Variants in CCNT1 observed in about 807,000 individuals in gnomAD.
CCNT1 encodes cyclin-T1.
CCNT1 carries 18 observed loss-of-function variants against 67.3 expected under a neutral mutation model. The observed-to-expected ratio is 0.27, with a 90% CI of 0.18 to 0.40. The LOEUF (loss-of-function observed/expected upper bound fraction) is 0.40. Among genes scored for constraint, CCNT1 ranks in the 10% least tolerant of loss-of-function variants. The pLI is 1.00. For synonymous variants in CCNT1, 333 were observed against 310.3 expected (o/e 1.07, Z -0.77); for missense variants, 744 against 884.9 (o/e 0.84, Z 2.02).
rs1463214591 is a variant in CCNT1, at chr12:48,716,693, G to A, written c.-18C>T. The A allele has an allele frequency of 6.8e-6, 11 of 1,609,288 alleles. No homozygotes were observed. Among genetic ancestry groups the A allele is most frequent in the South Asian group, 1.1e-5 (1 of 90,484 alleles). ...CCCTCCATAGTGCTTCAACCAGAAG[G>A]CAGCGGCGAAGGCTGCAGGCACTTC... On this transcript the variant is annotated 5_prime_UTR_variant, in exon 1 of 9. Transcript: ENST00000261900.
At chr12:48,706,030 GC>G (rs561574316) in intron 2 of CCNT1, 134 bp from the exon 3 acceptor site, 19 of 707,482 alleles carry the variant, frequency 2.7e-5, no homozygotes, top group African/African-American at 9.5e-5. Context: ...ACCCTTTCCC[GC>G]CCCCCCGCTT....
rs7303289 is a variant in CCNT1 at position 48,711,124 on chromosome 12, G to A, written c.243+3319C>T. On this transcript the variant is annotated intron_variant, in intron 2 of 8. Transcript: ENST00000261900. ...AGGCTGGACGCGGTGGCTCACACCT[G>A]TAATCCCAGCACTCTGGAAGGATGA... Among the ~76,000 whole-genome samples, 1,132 of 151,988 alleles carry A rather than the reference G, an allele frequency of 7.4e-3. 12 individuals are homozygous for A. The highest frequency in any genetic ancestry group is 0.027 in the African/African-American group (1,101 of 41,452).
chr12:48,711,945 G>A (rs779319668), intron 2 of CCNT1, among the ~76,000 whole-genome samples: 30 of 151,948 alleles, frequency 2.0e-4, no homozygotes, highest in Middle Eastern at 3.4e-3. Flanking sequence ...GGCGCCCACC[G>A]CCACGCCCGG....
intron 2 of CCNT1, among the ~76,000 whole-genome samples, chr12:48,708,915 A>G (rs1352336025): frequency 6.6e-6 from 1 of 152,126 alleles, no homozygotes; most frequent in African/African-American, 2.4e-5. Flanking sequence ...ACATAGCAAG[A>G]CCTCATCTCT....
rs1400558210 is a variant in CCNT1, at chr12:48,691,857, T to C, written c.*1176A>G. On this transcript the variant is annotated 3_prime_UTR_variant, in exon 9 of 9. Coordinates refer to ENST00000261900, the MANE Select transcript of CCNT1 (RefSeq NM_001240.4). ...ATGTCTTACATTTATAATGTAATTT[T>C]TAAAACAATGTTCTAAACTTCCAAA... 1 of 152,234 alleles carries C rather than the reference T, an allele frequency of 6.6e-6. No individual in the cohort carries two copies. The highest frequency in any genetic ancestry group is 2.4e-5 in the African/African-American group (1 of 41,448). 9.4% of individuals were successfully genotyped at this position (152,234 alleles called of 1,614,324 possible).
Position 48,693,386 on chromosome 12 carries a change from T to C in CCNT1, c.1828A>G (p.Met610Val), listed in dbSNP as rs1184450292. The C allele has an allele frequency of 5.6e-6, 9 of 1,614,024 alleles. No homozygotes were observed. The highest frequency in any genetic ancestry group is 1.6e-4 in the Middle Eastern group (1 of 6,084). ...LNFSFPSLPT[M>V]GQMPGHSSDT... Reference sequence around the variant, plus strand: ...GAGCTATGCCCAGGCATCTGACCCATTGTAGGAAGTGAAGGGAAGGAGAAA... The same window carrying C: ...GAGCTATGCCCAGGCATCTGACCCACTGTAGGAAGTGAAGGGAAGGAGAAA... The change falls in exon 9 of 9, where the codon ATG becomes GTG. Residue 610 changes from methionine to valine, a missense_variant. Met to Val is a conservative substitution (Grantham distance 21). This residue lies in a region of CCNT1 where 564 missense variants were observed against 574.2 expected (regional missense o/e 0.98). Transcript: ENST00000261900.
At chr12:48,711,014 TCG>T (rs1940441558) in intron 2 of CCNT1, among the ~76,000 whole-genome samples, 1 of 151,716 alleles carries the variant, frequency 6.6e-6, no homozygotes, top group African/African-American at 2.4e-5. Flanking sequence ...TGAGCTGAGA[TCG>T]CGCAGCCACT....
chr12:48,700,942 T>C (rs1019747049), intron 4 of CCNT1, 71 bp downstream of exon 4: 2 of 901,004 alleles, frequency 2.2e-6, no homozygotes, highest in African/African-American at 1.7e-5. Context: ...TCTTCCTATA[T>C]AGCAAATTTT....
At chr12:48,707,319 C>T (rs1275861305) in intron 2 of CCNT1, among the ~76,000 whole-genome samples, 2 of 148,934 alleles carry the variant, frequency 1.3e-5, no homozygotes, top group Non-Finnish European at 3.0e-5. Context: ...CAGCATCTCA[C>T]TCTGTCACCC....
chr12:48,708,276 G>T (rs1292887523), intron 2 of CCNT1, among the ~76,000 whole-genome samples: 1 of 152,116 alleles, frequency 6.6e-6, no homozygotes. Context: ...GCCGGGCGTG[G>T]TGGCTCACGC....
At chr12:48,700,188 G>A (rs1444020659) in intron 4 of CCNT1, among the ~76,000 whole-genome samples, 2 of 151,612 alleles carry the variant, frequency 1.3e-5, no homozygotes, top group African/African-American at 2.4e-5. Context: ...GCGTGGTGGC[G>A]GGCGCCTGTA....
intron 4 of CCNT1, among the ~76,000 whole-genome samples, chr12:48,700,469 G>C (rs1385387778): frequency 2.0e-5 from 3 of 151,684 alleles, no homozygotes; most frequent in Non-Finnish European, 4.4e-5. Context: ...ACCCTACCTA[G>C]AAGAGAAAAA....
chr12:48,693,069 T>G lies in CCNT1; in HGVS notation c.2145A>C (p.Ser715=), dbSNP rs1940102737. Reference sequence around the variant, plus strand: ...GGGGTGGAAGTGGTGGAGGAGGTTCTGATGGCAGAGGTGGTGGCCGGGGTT... The same window carrying G: ...GGGGTGGAAGTGGTGGAGGAGGTTCGGATGGCAGAGGTGGTGGCCGGGGTT... ...TDKPRPPPLP[S]EPPPPLPPLP... is the part of the protein sequence containing the mutation. The change falls in exon 9 of 9, where the codon TCA becomes TCC. Residue 715 remains serine, a synonymous_variant. Coordinates refer to ENST00000261900, the MANE Select transcript of CCNT1 (RefSeq NM_001240.4). 1.2e-6 allele frequency: 2 copies of G among 1,612,364 alleles called. No individual in the cohort carries two copies. The highest frequency in any genetic ancestry group is 1.7e-6 in the Non-Finnish European group (2 of 1,178,646).
rs1193416429 is a variant in CCNT1, at chr12:48,693,078, AGGT to A, written c.2133_2135del (p.Pro712del). 6.2e-7 allele frequency: 1 copy of A among 1,613,238 alleles called. No individual in the cohort carries two copies. The highest frequency in any genetic ancestry group is 8.5e-7 in the Non-Finnish European group (1 of 1,179,386). ...GTGGTGGAGGAGGTTCTGATGGCAG[AGGT>A]GGTGGCCGGGGTTTGTCTGTATTGC... On this transcript the variant is annotated inframe_deletion, in exon 9 of 9. Transcript: ENST00000261900.
At position 48,693,482 on chromosome 12, in the gene CCNT1, C is replaced by G; in HGVS notation, c.1732G>C (p.Glu578Gln). ...SSSTRKRGPS[E>Q]ETGGAVFDHP... ...TCAAACACAGCCCCTCCAGTCTCTT[C>G]AGAGGGTCCCCTTTTACGAGTAGAA... Residue 578 changes from glutamate (E) to glutamine (Q), a missense_variant, in exon 9 of 9, where the codon GAA becomes CAA. Physicochemically the swap from Glu to Gln is conservative, Grantham distance 29. Coordinates refer to ENST00000261900, the MANE Select transcript of CCNT1 (RefSeq NM_001240.4). 6.2e-7 allele frequency: 1 copy of G among 1,614,204 alleles called. No homozygotes were observed. Among genetic ancestry groups the G allele is most frequent in the South Asian group, 1.1e-5 (1 of 91,084 alleles).
chr12:48,713,719 G>C (rs61942059), intron 2 of CCNT1, among the ~76,000 whole-genome samples: 33,998 of 152,114 alleles, frequency 0.22, 4,804 homozygotes, highest in Non-Finnish European at 0.33. Flanking sequence ...AGAAGGTTAA[G>C]GCTGCAATGA....
intron 6 of CCNT1, 71 bp downstream of exon 6, chr12:48,698,067 A>G: frequency 4.3e-6 from 4 of 940,300 alleles, no homozygotes; most frequent in South Asian, 1.7e-5. Flanking sequence ...AATTATCTAT[A>G]GCACACTGTA....
At chr12:48,700,251 G>A (rs968757366) in intron 4 of CCNT1, among the ~76,000 whole-genome samples, 9 of 150,406 alleles carry the variant, frequency 6.0e-5, no homozygotes, top group South Asian at 2.1e-4. Flanking sequence ...CCCAGGAGGC[G>A]GAGGTTGCAA....
chr12:48,710,348 T>C (rs1940430546), intron 2 of CCNT1, among the ~76,000 whole-genome samples: 2 of 152,168 alleles, frequency 1.3e-5, no homozygotes, highest in Non-Finnish European at 2.9e-5. Flanking sequence ...ACAGCTAAAC[T>C]TAGAATTAGT....
Sources: allele counts gnomAD v4.1 joint callset (sites outside exome capture counted in the v4.1 genomes callset), GRCh38; gene constraint gnomAD v4.1.1; regional missense constraint gnomAD v4.1.1; transcripts MANE v1.5; gene names NCBI Gene and HGNC (gene_info 2026-07-23, HGNC 2026-07-21).